The following FAM20C variants were observed in gnomAD, a reference collection of about 807,000 sequenced individuals.
FAM20C encodes the protein extracellular serine/threonine protein kinase FAM20C.
Under a neutral mutation model 51.5 loss-of-function variants are expected in FAM20C, and 40 were observed. The observed-to-expected ratio is 0.78, with a 90% CI of 0.60 to 1.01. The LOEUF (loss-of-function observed/expected upper bound fraction) is 1.01. FAM20C is among the 50% of genes least tolerant of loss of function. FAM20C has a pLI of 0.00. For missense variants in FAM20C, 861 were observed against 844.7 expected, an observed-to-expected ratio of 1.02 and a Z score of -0.24; for synonymous variants, 406 against 380.6, an observed-to-expected ratio of 1.07 and a Z score of -0.78.
intron 3 of FAM20C, among the ~76,000 whole-genome samples, chr7:217,974 C>G (rs1787082235): frequency 6.6e-6 from 1 of 152,140 alleles, no homozygotes; most frequent in Non-Finnish European, 1.5e-5. Context: ...GGGTCCTGTA[C>G]AGTGGGCCGA....
In FAM20C at chr7:193,521, G is replaced by T. The variant is rs760493570; in HGVS notation, c.322G>T (p.Glu108Ter). The T allele has an allele frequency of 3.3e-6, 5 of 1,500,112 alleles. No homozygotes were observed. In the Admixed American group the frequency reaches 8.6e-5, roughly 26 times the overall value. 92.9% of individuals were successfully genotyped at this position (1,500,112 alleles called of 1,614,324 possible). The change falls in exon 1 of 10, where the codon GAG becomes TAG. Residue 108 changes from glutamate to a stop codon, truncating the protein, a stop_gained. Coordinates refer to ENST00000313766, the MANE Select transcript of FAM20C (RefSeq NM_020223.4). LOFTEE classifies it high-confidence loss of function. Reference protein sequence around the residue: ...PSSNLSSHSLEKLPPAAEPAE... With the variant: ...PSSNLSSHSL ...CTCCAACCTCTCGTCCCACTCGCTG[G>T]AGAAACTGCCGCCCGCGGCCGAGCC...
intron 3 of FAM20C, among the ~76,000 whole-genome samples, chr7:235,737 C>T (rs1379664383): frequency 2.0e-5 from 3 of 152,134 alleles, no homozygotes; most frequent in Non-Finnish European, 4.4e-5. Flanking sequence ...GCCTAGGCTG[C>T]ATGGAGGGTC....
chr7:214,916 A>G (rs1169084185), intron 3 of FAM20C, among the ~76,000 whole-genome samples: 1 of 151,874 alleles, frequency 6.6e-6, no homozygotes, highest in Non-Finnish European at 1.5e-5. Context: ...TCATTCCACA[A>G]ACTCGGAGTG....
chr7:199,874 A>G (rs1353852188), intron 2 of FAM20C, among the ~76,000 whole-genome samples: 1 of 152,168 alleles, frequency 6.6e-6, no homozygotes, highest in Non-Finnish European at 1.5e-5. Flanking sequence ...TCCCACTGGC[A>G]TGTGAGGATT....
At chr7:232,725 G>A (rs1280169128) in intron 3 of FAM20C, among the ~76,000 whole-genome samples, 1 of 152,250 alleles carries the variant, frequency 6.6e-6, no homozygotes, top group Non-Finnish European at 1.5e-5. Context: ...GCAGTTGGAG[G>A]GGCCAGCTCC....
chr7:193,120 G>C lies in FAM20C; in HGVS notation c.-80G>C. The C allele has an allele frequency of 1.6e-6, 2 of 1,279,556 alleles. No homozygotes were observed. Among genetic ancestry groups the C allele is most frequent in the Non-Finnish European group, 2.0e-6 (2 of 991,422 alleles). 79.3% of individuals were successfully genotyped at this position (1,279,556 alleles called of 1,614,324 possible). A position where few individuals can be genotyped will look rare whatever the true frequency, so the allele number is the denominator to read the frequency against. The stretch of plus-strand genomic sequence containing the variant: ...ACCGATGGACCTTGACCCGCGAGGC[G>C]GCGCCGCGCTCGTGCCCAGCTGCAG... On this transcript the variant is annotated 5_prime_UTR_variant, in exon 1 of 10. Coordinates refer to ENST00000313766, the MANE Select transcript of FAM20C (RefSeq NM_020223.4).
chr7:254,169 C>G (rs1380430674), intron 5 of FAM20C, among the ~76,000 whole-genome samples: 1 of 152,176 alleles, frequency 6.6e-6, no homozygotes, highest in Non-Finnish European at 1.5e-5. Context: ...GGCCTGGCAC[C>G]CACCCCGTTT....
At chr7:230,373 G>A (rs57565428) in intron 3 of FAM20C, among the ~76,000 whole-genome samples, 1 of 51,106 alleles carries the variant, frequency 2.0e-5, no homozygotes, top group Non-Finnish European at 4.1e-5. Flanking sequence ...AGGACGGGGT[G>A]GGGGGGGGGG....
intron 5 of FAM20C, among the ~76,000 whole-genome samples, chr7:251,128 C>A (rs1157492301): frequency 1.0e-5 from 1 of 96,198 alleles, no homozygotes; most frequent in Admixed American, 1.1e-4. Context: ...CGTTTCCTCC[C>A]CGTTTCTAAG....
chr7:198,555 G>A (rs1308994194), intron 2 of FAM20C, among the ~76,000 whole-genome samples: 3 of 152,224 alleles, frequency 2.0e-5, no homozygotes, highest in Admixed American at 6.5e-5. Context: ...TGAGGAACAG[G>A]AGTGGGTTTA....
rs371636165 is a variant in FAM20C, at chr7:207,118, G to A, written c.785-1780G>A. ...ACTGTCCCCTCGGCCCCGCACACGT[G>A]TCCACTGTGACGCGTCGGTCACTGT... On this transcript the variant is annotated intron_variant, in intron 2 of 9. Coordinates refer to ENST00000313766, the MANE Select transcript of FAM20C (RefSeq NM_020223.4). 7.5e-4 allele frequency among the ~76,000 whole-genome samples: 13 copies of A among 17,408 alleles called. 2 individuals are homozygous for A. The highest frequency in any genetic ancestry group is 1.5e-3 in the African/African-American group (7 of 4,630). 11.4% of individuals were successfully genotyped at this position (17,408 alleles called of 152,430 possible).
At chr7:252,677 C>T (rs527374266) in intron 5 of FAM20C, among the ~76,000 whole-genome samples, 65 of 152,336 alleles carry the variant, frequency 4.3e-4, no homozygotes, top group African/African-American at 1.3e-3. Flanking sequence ...GGCCAGTGCT[C>T]GGGGAAGGTG....
At chr7:235,340 G>A (rs959090004) in intron 3 of FAM20C, among the ~76,000 whole-genome samples, 1 of 152,132 alleles carries the variant, frequency 6.6e-6, no homozygotes, top group Admixed American at 6.5e-5. Context: ...CTGCCGATCT[G>A]TGAGCTCAAC....
At position 256,654 on chromosome 7, in the gene FAM20C, G is replaced by T. The variant is rs768006208; in HGVS notation, c.1254G>T (p.Glu418Asp). 5 of 1,535,570 alleles carry T rather than the reference G, an allele frequency of 3.3e-6. No homozygotes were observed. The South Asian group carries it at 5.9e-5, about 18-fold the overall frequency. The stretch of plus-strand genomic sequence containing the variant: ...CCCGTCTCACGCTGGCTCCCCGCAG[G>T]TGGGAGGTGGACCCTGACTACTGCG... ...RRSYHKRKKA[E>D]WEVDPDYCEE... Residue 418 changes from glutamate (E) to aspartate (D), a missense_variant and splice_region_variant, in exon 7 of 10, where the codon GAG (glutamate) becomes GAT (aspartate). Around this residue, in one of 3 missense-constraint regions of FAM20C, gnomAD observed 269 missense variants for 283.8 expected, o/e 0.95. Coordinates refer to ENST00000313766, the MANE Select transcript of FAM20C (RefSeq NM_020223.4).
At chr7:228,264 G>T in intron 3 of FAM20C, 1 of 348,182 alleles carries the variant, frequency 2.9e-6, no homozygotes, top group South Asian at 2.2e-5. Context: ...CCTGCCCTGG[G>T]CAGGGTCTTG....
intron 5 of FAM20C, among the ~76,000 whole-genome samples, chr7:249,321 G>A (rs1048076531): frequency 7.2e-5 from 11 of 152,268 alleles, no homozygotes; most frequent in African/African-American, 1.9e-4. Flanking sequence ...TGGCCTGAAC[G>A]TTAGGCAGGA....
At chr7:229,655 G>C (rs1787583624) in intron 3 of FAM20C, 1 of 152,346 alleles carries the variant, frequency 6.6e-6, no homozygotes, top group African/African-American at 2.4e-5. Flanking sequence ...GAAATGGGCA[G>C]GAAGCGTGGA....
At chr7:205,240 C>T in intron 2 of FAM20C, among the ~76,000 whole-genome samples, 1 of 150,386 alleles carries the variant, frequency 6.6e-6, no homozygotes, top group Non-Finnish European at 1.5e-5. Context: ...GTAGCTGGGA[C>T]CACAGACACG....
In FAM20C at chr7:195,594, G is replaced by A. The variant is rs61734970; in HGVS notation, c.646G>A (p.Gly216Arg). The change falls in exon 2 of 10, where the codon GGG becomes AGG. Residue 216 changes from glycine (G) to arginine (R), a missense_variant. Physicochemically the swap from Gly to Arg is moderately radical, Grantham distance 125. Around this residue, in one of 3 missense-constraint regions of FAM20C, gnomAD observed 561 missense variants for 499.8 expected, o/e 1.12. Coordinates refer to ENST00000313766, the MANE Select transcript of FAM20C (RefSeq NM_020223.4). ...GAEGAEFLSPGEAAVDSYPNW... is the reference protein window; with the variant it reads ...GAEGAEFLSPREAAVDSYPNW... ...TGAAGGTGCAGAATTCCTCTCCCCC[G>A]GGGAGGCGGCCGTGGACTCCTATCC... 6.4e-3 allele frequency: 10,273 copies of A among 1,597,878 alleles called. 48 individuals carry two copies. The highest frequency in any genetic ancestry group is 7.6e-3 in the Non-Finnish European group (8,959 of 1,171,490).
Sources: gnomAD v4.1 joint callset for allele counts (sites outside exome capture counted in the v4.1 genomes callset) on GRCh38, gnomAD v4.1.1 for gene constraint, gnomAD v4.1.1 regional missense constraint, MANE v1.5 for transcripts, NCBI Gene and HGNC (gene_info 2026-07-23, HGNC 2026-07-21) for gene names.